Variants in UST observed in about 807,000 individuals in gnomAD.
The protein encoded by UST is uronyl 2-sulfotransferase.
In UST, 21 loss-of-function variants were observed where a neutral mutation model predicts 45.6. The observed-to-expected ratio is 0.46, with a 90% confidence interval of 0.33 to 0.66. The LOEUF is 0.66. Among genes scored for constraint, UST ranks in the 30% least tolerant of loss-of-function variants. The pLI is 0.02. For synonymous variants in UST, 215 were observed against 200.6 expected, an observed-to-expected ratio of 1.07 and a Z score of -0.61; for missense variants, 463 against 512.4, an observed-to-expected ratio of 0.90 and a Z score of 0.93.
intron 2 of UST, among the ~76,000 whole-genome samples, chr6:148,923,273 G>T (rs1779750678): frequency 6.6e-6 from 1 of 152,194 alleles, no homozygotes; most frequent in Admixed American, 6.5e-5. Context: ...AGACTTTGGG[G>T]ACATATCTTG....
chr6:148,923,083 C>T (rs1458143906), intron 2 of UST, among the ~76,000 whole-genome samples: 1 of 152,164 alleles, frequency 6.6e-6, no homozygotes, highest in Non-Finnish European at 1.5e-5. Context: ...CAGGCATAAG[C>T]CTTTTAGTGT....
At chr6:149,058,346 TGTG>T (rs1353324202) in intron 7 of UST, among the ~76,000 whole-genome samples, 1 of 20,134 alleles carries the variant, frequency 5.0e-5, no homozygotes, top group African/African-American at 6.8e-4. Context: ...AGGAGGAGCA[TGTG>T]TGTGTGTGTG....
rs1312530757 is a variant in UST, at chr6:148,889,940, T to C, written c.291+2911T>C. On this transcript the variant is annotated intron_variant, in intron 2 of 7. Coordinates refer to ENST00000367463, the MANE Select transcript of UST (RefSeq NM_005715.3). ...CCCCCAACCCCTAACTAAAGCTTCT[T>C]GTAATATGCAAAAATGATCAGGTTA... Among the ~76,000 whole-genome samples, 3 of 152,050 alleles carry C rather than the reference T, an allele frequency of 2.0e-5. No individual in the cohort carries two copies. In the East Asian group the frequency reaches 5.8e-4, roughly 29 times the overall value.
intron 2 of UST, among the ~76,000 whole-genome samples, chr6:148,906,882 T>A (rs927126493): frequency 6.6e-6 from 1 of 152,196 alleles, no homozygotes; most frequent in South Asian, 2.1e-4. Context: ...GTGGGTTTGA[T>A]GTGCACACAT....
At chr6:149,034,834 TTCTCTCTCTCTC>T (rs60813679) in intron 7 of UST, among the ~76,000 whole-genome samples, 1,748 of 45,404 alleles carry the variant, frequency 0.038, 25 homozygotes, top group Non-Finnish European at 0.051. Flanking sequence ...TTCATGCTCA[TTCTCTCTCTCTC>T]TCTCTCTCTC....
intron 1 of UST, among the ~76,000 whole-genome samples, chr6:148,779,574 C>T (rs903318483): frequency 3.3e-5 from 5 of 152,200 alleles, no homozygotes; most frequent in Admixed American, 3.3e-4. Flanking sequence ...ATAATTCCCA[C>T]TCAGCCCGCT....
chr6:149,031,625 T>C (rs149659607), intron 7 of UST, among the ~76,000 whole-genome samples: 267 of 152,316 alleles, frequency 1.8e-3, no homozygotes, highest in African/African-American at 6.3e-3. Context: ...AACAGGAAAA[T>C]AGAACTTCCT....
At chr6:148,903,311 T>C (rs1779294918) in intron 2 of UST, among the ~76,000 whole-genome samples, 1 of 152,214 alleles carries the variant, frequency 6.6e-6, no homozygotes, top group East Asian at 1.9e-4. Context: ...ACCTATTTAG[T>C]TGACAATAAA....
At chr6:149,072,484 T>C (rs1252967225) in intron 7 of UST, among the ~76,000 whole-genome samples, 2 of 151,736 alleles carry the variant, frequency 1.3e-5, no homozygotes, top group African/African-American at 4.8e-5. Flanking sequence ...AGAAACCCCA[T>C]CTCTACTAAA....
chr6:148,833,137 G>T (rs1777720425), intron 1 of UST, among the ~76,000 whole-genome samples: 1 of 152,142 alleles, frequency 6.6e-6, no homozygotes, highest in African/African-American at 2.4e-5. Flanking sequence ...GTATCATAGG[G>T]TATAATGAAA....
In UST at chr6:148,989,909, C is replaced by T. The variant is rs147482759; in HGVS notation, c.681+25346C>T. 1.8e-3 allele frequency among the ~76,000 whole-genome samples: 278 copies of T among 152,290 alleles called. 1 individual carries two copies. Among genetic ancestry groups the T allele is most frequent in the African/African-American group, 6.4e-3 (264 of 41,552 alleles). On this transcript the variant is annotated intron_variant, in intron 5 of 7. Coordinates refer to ENST00000367463, the MANE Select transcript of UST (RefSeq NM_005715.3). The stretch of plus-strand genomic sequence containing the variant: ...TTTCCTTTGTTCATTCCATCCCTCC[C>T]CATTTGGAATTTAGATGGAAGAATG...
chr6:148,910,134 CTTTTTTTTTTTT>C (rs148286486), intron 2 of UST, among the ~76,000 whole-genome samples: 31 of 103,454 alleles, frequency 3.0e-4, no homozygotes, highest in Non-Finnish European at 4.8e-4. Flanking sequence ...GCCTGGGATG[CTTTTTTTTTTTT>C]TTTTTTTTTT....
intron 1 of UST, among the ~76,000 whole-genome samples, chr6:148,839,997 A>C (rs532669325): frequency 3.3e-5 from 5 of 152,110 alleles, no homozygotes; most frequent in African/African-American, 7.2e-5. Flanking sequence ...GGCAAAACTC[A>C]CTTTGCTAGG....
At chr6:148,974,092 A>G (rs977148212) in intron 5 of UST, among the ~76,000 whole-genome samples, 2 of 152,192 alleles carry the variant, frequency 1.3e-5, no homozygotes, top group African/African-American at 4.8e-5. Context: ...GGAAACTAAG[A>G]AGAGGGAATG....
chr6:149,013,502 G>T (rs1306897897), intron 5 of UST, among the ~76,000 whole-genome samples: 1 of 151,750 alleles, frequency 6.6e-6, no homozygotes, highest in East Asian at 1.9e-4. Context: ...CTCCAGCCTG[G>T]GCAACAAGAG....
chr6:149,052,306 A>G (rs1776498883), intron 7 of UST, among the ~76,000 whole-genome samples: 1 of 152,362 alleles, frequency 6.6e-6, no homozygotes, highest in East Asian at 1.9e-4. Context: ...GATAACAGTC[A>G]TAATATTAAT....
chr6:148,993,603 T>C (rs1781394763), intron 5 of UST, among the ~76,000 whole-genome samples: 1 of 152,158 alleles, frequency 6.6e-6, no homozygotes, highest in African/African-American at 2.4e-5. Context: ...TGAATTGTAA[T>C]CCCCAGTATT....
intron 6 of UST, among the ~76,000 whole-genome samples, chr6:149,020,391 G>A (rs1218524964): frequency 6.6e-6 from 1 of 152,158 alleles, no homozygotes; most frequent in Non-Finnish European, 1.5e-5. Context: ...GGGGCTGGAT[G>A]ACTCACTTGC....
chr6:149,018,909 A>G (rs1163690725), intron 5 of UST, among the ~76,000 whole-genome samples: 1 of 152,220 alleles, frequency 6.6e-6, no homozygotes, highest in Non-Finnish European at 1.5e-5. Flanking sequence ...GATGCAGTTT[A>G]CTCAACAGAG....
Sources: gnomAD v4.1 joint callset for allele counts (sites outside exome capture counted in the v4.1 genomes callset) on GRCh38, gnomAD v4.1.1 for gene constraint, MANE v1.5 for transcripts, NCBI Gene and HGNC (gene_info 2026-07-23, HGNC 2026-07-21) for gene names.